The following AGTPBP1 variants were observed in gnomAD, a reference collection of about 807,000 sequenced individuals.
The protein encoded by AGTPBP1 is cytosolic carboxypeptidase 1.
A neutral mutation model predicts 143.9 loss-of-function variants in AGTPBP1; 70 were observed. That is an observed-to-expected ratio of 0.49 (90% CI 0.40 to 0.59). The LOEUF (loss-of-function observed/expected upper bound fraction) is 0.59, where lower values mean the gene tolerates loss of function less well. Ranked by LOEUF, AGTPBP1 falls within the 20% of genes least tolerant of loss-of-function variation. The pLI, the probability that AGTPBP1 is intolerant of heterozygous loss-of-function variation, is 0.00. For synonymous variants in AGTPBP1, 463 were observed against 500.2 expected, an observed-to-expected ratio of 0.93 and a Z score of 0.99; for missense variants, 1,229 against 1,464.5, an observed-to-expected ratio of 0.84 and a Z score of 2.62.
chr9:85,726,777 C>G (rs898880237), intron 1 of AGTPBP1, among the ~76,000 whole-genome samples: 1 of 151,808 alleles, frequency 6.6e-6, no homozygotes, highest in African/African-American at 2.4e-5. Context: ...TCAAAACAAA[C>G]AGAATAAAGA....
chr9:85,565,062 T>C (rs990073947), intron 25 of AGTPBP1, among the ~76,000 whole-genome samples: 3 of 152,184 alleles, frequency 2.0e-5, no homozygotes, highest in African/African-American at 7.2e-5. Flanking sequence ...GACTTCACAA[T>C]CTCCAGAACT....
At chr9:85,763,096 A>T in the AGTPBP1 span, among the ~76,000 whole-genome samples, 1 of 152,048 alleles carries the variant, frequency 6.6e-6, no homozygotes, top group East Asian at 1.9e-4. Flanking sequence ...AGGAAAATTA[A>T]GTCTAATAAA....
At chr9:85,626,377 T>C (rs1321073110) in intron 14 of AGTPBP1, among the ~76,000 whole-genome samples, 1 of 152,220 alleles carries the variant, frequency 6.6e-6, no homozygotes, top group African/African-American at 2.4e-5. Flanking sequence ...TAAAGGAGTC[T>C]AATGTTTCCT....
chr9:85,723,399 T>G (rs1345013677), intron 1 of AGTPBP1, among the ~76,000 whole-genome samples: 4 of 152,154 alleles, frequency 2.6e-5, no homozygotes, highest in African/African-American at 9.6e-5. Context: ...GCCTCAGCAA[T>G]GGCGGACGCC....
chr9:85,706,417 A>T (rs1837000727), intron 2 of AGTPBP1, among the ~76,000 whole-genome samples: 1 of 151,454 alleles, frequency 6.6e-6, no homozygotes, highest in Non-Finnish European at 1.5e-5. Flanking sequence ...AAGCTGAGGC[A>T]GAGAATTGCT....
intron 25 of AGTPBP1, among the ~76,000 whole-genome samples, chr9:85,559,066 C>T (rs918847988): frequency 1.1e-4 from 16 of 152,186 alleles, no homozygotes; most frequent in Non-Finnish European, 2.9e-5. Context: ...ATGAAGGTCA[C>T]TGAAACTGTT....
rs747785384 is a variant in AGTPBP1, at chr9:85,669,563, G to C, written c.584C>G (p.Ser195Cys). Residue 195 changes from serine to cysteine, a missense_variant, in exon 8 of 26, where the codon TCC becomes TGC. This residue lies in a region of AGTPBP1 where 743 missense variants were observed against 812.2 expected (regional missense o/e 0.91). Transcript: ENST00000357081. ...TTCCACAACTCCATTTTTCCCTAAG[G>C]ATACTGAATTCACAGCTGAGAGGGG... ...VYSANSVNSV[S>C]LGKNGVVELM... 1.2e-6 allele frequency: 2 copies of C among 1,610,656 alleles called. No homozygotes were observed. Among genetic ancestry groups the C allele is most frequent in the South Asian group, 1.1e-5 (1 of 90,834 alleles).
intron 2 of AGTPBP1, among the ~76,000 whole-genome samples, chr9:85,699,057 A>C (rs1194390315): frequency 1.3e-5 from 2 of 152,158 alleles, no homozygotes; most frequent in African/African-American, 2.4e-5. Context: ...TATATATGTA[A>C]CAGTGAGAAA....
At chr9:85,653,163 G>A (rs1384808895) in intron 11 of AGTPBP1, among the ~76,000 whole-genome samples, 1 of 151,366 alleles carries the variant, frequency 6.6e-6, no homozygotes, top group Non-Finnish European at 1.5e-5. Flanking sequence ...CAGCTACTTG[G>A]GAGGCTGAGG....
In AGTPBP1 at chr9:85,555,577, G is replaced by A. The variant is rs747805845; in HGVS notation, c.3504-8291C>T. ...TCGTGCCACTGCACTCCAGCCTGGC[G>A]ACAGAATGAGACTCCAACTCAAAAA... is the stretch of plus-strand genomic sequence containing the variant. On this transcript the variant is annotated intron_variant, in intron 25 of 25. Coordinates refer to ENST00000357081, the MANE Select transcript of AGTPBP1 (RefSeq NM_001330701.2). Among the ~76,000 whole-genome samples the A allele has an allele frequency of 6.4e-4, 98 of 152,096 alleles. 1 individual carries two copies. Among genetic ancestry groups the A allele is most frequent in the Admixed American group, 3.3e-4 (5 of 15,260 alleles).
chr9:85,793,335 T>A, the AGTPBP1 span: 2 of 152,306 alleles, frequency 1.3e-5, no homozygotes, highest in Admixed American at 6.5e-5. Flanking sequence ...TATAGGTATA[T>A]GATCAAATAA....
chr9:85,773,718 G>A, the AGTPBP1 span: 1 of 632,834 alleles, frequency 1.6e-6, no homozygotes, highest in African/African-American at 1.9e-5. Flanking sequence ...CCAATACCTG[G>A]CAGGAATCAT....
chr9:85,757,255 C>T, the AGTPBP1 span, among the ~76,000 whole-genome samples: 1 of 151,900 alleles, frequency 6.6e-6, no homozygotes, highest in Admixed American at 6.6e-5. Flanking sequence ...TTAGTAGAGA[C>T]GGGGTTTCAA....
chr9:85,646,530 A>C, intron 11 of AGTPBP1, 112 bp from the exon 12 acceptor site: 2 of 752,344 alleles, frequency 2.7e-6, no homozygotes, highest in South Asian at 3.5e-5. Context: ...AGAAAAAGTA[A>C]ATGAGATTTC....
At chr9:85,573,366 G>A (rs1047539101) in intron 25 of AGTPBP1, among the ~76,000 whole-genome samples, 9 of 152,190 alleles carry the variant, frequency 5.9e-5, no homozygotes, top group Non-Finnish European at 1.0e-4. Context: ...TTGGCCTCCC[G>A]AGGTGCTGGG....
intron 17 of AGTPBP1, among the ~76,000 whole-genome samples, chr9:85,602,148 C>T (rs544152778): frequency 9.9e-5 from 15 of 151,940 alleles, no homozygotes; most frequent in Non-Finnish European, 2.9e-5. Flanking sequence ...CAGATTCCAA[C>T]GAGAAAGAAA....
chr9:85,691,250 G>A (rs903938518), intron 3 of AGTPBP1, among the ~76,000 whole-genome samples: 1 of 152,002 alleles, frequency 6.6e-6, no homozygotes, highest in Non-Finnish European at 1.5e-5. Context: ...AAACAATGGG[G>A]TGGTATCAAC....
Position 85,672,679 on chromosome 9 carries a change from T to C in AGTPBP1, c.439A>G (p.Lys147Glu). ...SILAKIGPKD[K>E]KFGVKARING... ...ATTCTAGCCTTTACTCCAAATTTTT[T>C]ATCTGTTTAAAAAAAAAAAAGACAA... The change falls in exon 7 of 26, where the codon AAA (lysine) becomes GAA (glutamate). Residue 147 changes from lysine to glutamate, a missense_variant and splice_region_variant. By Grantham distance (56) the Lys-to-Glu change is moderately conservative. Coordinates refer to ENST00000357081, the MANE Select transcript of AGTPBP1 (RefSeq NM_001330701.2). 6.3e-7 allele frequency: 1 copy of C among 1,586,396 alleles called. No individual in the cohort carries two copies. The highest frequency in any genetic ancestry group is 8.5e-7 in the Non-Finnish European group (1 of 1,170,628).
intron 1 of AGTPBP1, chr9:85,741,552 G>A: frequency 1.0e-6 from 1 of 985,412 alleles, no homozygotes; most frequent in Non-Finnish European, 1.2e-6. Context: ...GCGTTTTCCA[G>A]ACCCAGTCAA....
Sources: gnomAD v4.1 joint callset for allele counts (sites outside exome capture counted in the v4.1 genomes callset) on GRCh38, gnomAD v4.1.1 for gene constraint, gnomAD v4.1.1 regional missense constraint, MANE v1.5 for transcripts, NCBI Gene and HGNC (gene_info 2026-07-23, HGNC 2026-07-21) for gene names.